The following DACH1 variants were observed in gnomAD, a reference collection of about 807,000 sequenced individuals.
DACH1 encodes the protein dachshund family transcription factor 1.
In DACH1, 12 loss-of-function variants were observed where a neutral mutation model predicts 54.2. The ratio of observed to expected loss-of-function variants is 0.22; its 90% CI spans 0.14 to 0.36. The LOEUF is 0.36. Ranked by LOEUF, DACH1 falls within the 10% of genes least tolerant of loss-of-function variation. The pLI, the probability that DACH1 is intolerant of heterozygous loss-of-function variation, is 1.00. For synonymous variants in DACH1, 386 were observed against 366.2 expected (o/e 1.05, Z -0.62); for missense variants, 805 against 929.8 (o/e 0.87, Z 1.75).
intron 10 of DACH1, among the ~76,000 whole-genome samples, chr13:71,454,403 C>G (rs1026681660): frequency 6.6e-6 from 1 of 152,118 alleles, no homozygotes; most frequent in African/African-American, 2.4e-5. Context: ...GATACCTTCT[C>G]CTTAAGTGTG....
chr13:71,821,330 T>C (rs950243138), intron 1 of DACH1, among the ~76,000 whole-genome samples: 6 of 141,744 alleles, frequency 4.2e-5, no homozygotes, highest in Non-Finnish European at 9.5e-5. Context: ...CTTTAGGTTT[T>C]CAAAGTCCCT....
chr13:71,687,846 C>G (rs766173428), intron 1 of DACH1, among the ~76,000 whole-genome samples: 2 of 152,106 alleles, frequency 1.3e-5, no homozygotes, highest in Non-Finnish European at 2.9e-5. Flanking sequence ...TGGGCTCAAG[C>G]TATCCACCCG....
intron 1 of DACH1, among the ~76,000 whole-genome samples, chr13:71,748,186 A>G: frequency 6.6e-6 from 1 of 152,102 alleles, no homozygotes; most frequent in East Asian, 1.9e-4. Context: ...AAAAAAAAAA[A>G]GGAGCAAGCT....
chr13:71,787,775 C>T (rs1246277980), intron 1 of DACH1, among the ~76,000 whole-genome samples: 2 of 152,068 alleles, frequency 1.3e-5, no homozygotes, highest in Non-Finnish European at 2.9e-5. Context: ...TTTATTTTTG[C>T]GTAACATTCT....
chr13:71,836,850 C>T (rs1050492480), intron 1 of DACH1, among the ~76,000 whole-genome samples: 1 of 152,006 alleles, frequency 6.6e-6, no homozygotes, highest in African/African-American at 2.4e-5. Flanking sequence ...TTCTTTATTG[C>T]CTCCCTCTCC....
intron 2 of DACH1, among the ~76,000 whole-genome samples, chr13:71,656,921 C>CATATATATATATATATATATAT (rs71123235): frequency 7.2e-5 from 6 of 83,424 alleles, no homozygotes; most frequent in Admixed American, 1.1e-4. Context: ...GTTCTTCTTT[C>CATATATATATATATATATATAT]ATATATATAT....
chr13:71,793,741 G>C (rs900801145), intron 1 of DACH1, among the ~76,000 whole-genome samples: 3 of 152,076 alleles, frequency 2.0e-5, no homozygotes, highest in Non-Finnish European at 4.4e-5. Context: ...TGCCCAGGCT[G>C]GTCTCAAACT....
At chr13:71,764,626 C>T (rs1023598184) in intron 1 of DACH1, among the ~76,000 whole-genome samples, 2 of 152,066 alleles carry the variant, frequency 1.3e-5, no homozygotes, top group Non-Finnish European at 2.9e-5. Context: ...GTATAAGTCT[C>T]GTAAGTTTTC....
intron 1 of DACH1, among the ~76,000 whole-genome samples, chr13:71,843,255 C>T (rs374530015): frequency 6.6e-6 from 1 of 151,986 alleles, no homozygotes; most frequent in African/African-American, 2.4e-5. Context: ...TTTAAATGTA[C>T]TGAATGTTAT....
chr13:71,693,711 C>A (rs1299091441), intron 1 of DACH1, among the ~76,000 whole-genome samples: 1 of 151,958 alleles, frequency 6.6e-6, no homozygotes, highest in Non-Finnish European at 1.5e-5. Context: ...GAAAGAGAGG[C>A]CACATTCATA....
intron 2 of DACH1, among the ~76,000 whole-genome samples, chr13:71,651,971 A>G (rs1347445422): frequency 6.6e-6 from 1 of 152,180 alleles, no homozygotes; most frequent in Non-Finnish European, 1.5e-5. Context: ...CTTGCTAAAT[A>G]CTAGACTTTT....
intron 1 of DACH1, among the ~76,000 whole-genome samples, chr13:71,795,631 A>G (rs1029106100): frequency 6.6e-6 from 1 of 152,212 alleles, no homozygotes; most frequent in East Asian, 1.9e-4. Flanking sequence ...TCAATGGTCC[A>G]GGGGCAGTAT....
At chr13:71,541,938 T>G (rs1310414945) in intron 6 of DACH1, among the ~76,000 whole-genome samples, 6 of 149,810 alleles carry the variant, frequency 4.0e-5, no homozygotes, top group Non-Finnish European at 8.9e-5. Context: ...TTTTTTTTTT[T>G]TTTTTTTTTT....
chr13:71,465,211 T>C (rs1191931694), intron 10 of DACH1, among the ~76,000 whole-genome samples: 1 of 152,138 alleles, frequency 6.6e-6, no homozygotes, highest in Non-Finnish European at 1.5e-5. Context: ...AATATATACA[T>C]GCTATCAAAT....
At chr13:71,816,608 A>G (rs9542748) in intron 1 of DACH1, among the ~76,000 whole-genome samples, 11 of 94,956 alleles carry the variant, frequency 1.2e-4, no homozygotes, top group Admixed American at 2.4e-4. Flanking sequence ...ATATGTGTGT[A>G]TATATATACA....
chr13:71,652,453 A>G (rs1878753298), intron 2 of DACH1, among the ~76,000 whole-genome samples: 1 of 152,028 alleles, frequency 6.6e-6, no homozygotes, highest in Admixed American at 6.6e-5. Flanking sequence ...CTTTCCACAT[A>G]TATCACTGAC....
chr13:71,610,586 T>A (rs1219894669), intron 3 of DACH1, among the ~76,000 whole-genome samples: 3 of 152,164 alleles, frequency 2.0e-5, no homozygotes, highest in Non-Finnish European at 4.4e-5. Flanking sequence ...AAAGATTCAA[T>A]ACATTAACAT....
intron 1 of DACH1, among the ~76,000 whole-genome samples, chr13:71,753,958 G>T (rs1885033645): frequency 6.6e-6 from 1 of 152,056 alleles, no homozygotes; most frequent in Non-Finnish European, 1.5e-5. Flanking sequence ...ATTTTAATTG[G>T]TTCAGGCCAC....
intron 3 of DACH1, among the ~76,000 whole-genome samples, chr13:71,580,634 C>G (rs1039872076): frequency 2.6e-5 from 4 of 152,278 alleles, no homozygotes; most frequent in African/African-American, 9.6e-5. Flanking sequence ...AAAACCTTCA[C>G]AAGTGAGATG....
Sources: allele counts gnomAD v4.1 joint callset (sites outside exome capture counted in the v4.1 genomes callset), GRCh38; gene constraint gnomAD v4.1.1; transcripts MANE v1.5; gene names NCBI Gene and HGNC (gene_info 2026-07-23, HGNC 2026-07-21).